Variants in XKR4 observed in about 807,000 individuals in gnomAD.
The protein encoded by XKR4 is XK related 4.
Under a neutral mutation model 53.9 loss-of-function variants are expected in XKR4, and 12 were observed. That is an observed-to-expected ratio of 0.22 (90% CI 0.14 to 0.36). XKR4 has a LOEUF of 0.36. Ranked by LOEUF, XKR4 falls within the 10% of genes least tolerant of loss-of-function variation. XKR4 has a pLI of 1.00. For missense variants in XKR4, 799 were observed against 859.5 expected (o/e 0.93, Z 0.88); for synonymous variants, 354 against 362.4 (o/e 0.98, Z 0.26).
At chr8:55,341,093 A>T (rs1325217291) in intron 1 of XKR4, among the ~76,000 whole-genome samples, 1 of 152,114 alleles carries the variant, frequency 6.6e-6, no homozygotes, top group African/African-American at 2.4e-5. Context: ...GCTGCGGGGA[A>T]CCTGTGATAC....
intron 1 of XKR4, among the ~76,000 whole-genome samples, chr8:55,274,436 CTT>C (rs1278974349): frequency 8.4e-5 from 12 of 143,278 alleles, no homozygotes; most frequent in Admixed American, 7.0e-5. Context: ...CCAAATTTCC[CTT>C]TTTTTTTTTT....
At chr8:55,376,952 A>ACT (rs1159390937) in intron 2 of XKR4, among the ~76,000 whole-genome samples, 10 of 81,422 alleles carry the variant, frequency 1.2e-4, no homozygotes, top group Non-Finnish European at 1.9e-4. Flanking sequence ...ACAAACACAC[A>ACT]CTCACACACA....
At chr8:55,122,983 C>G (rs1206949027) in intron 1 of XKR4, among the ~76,000 whole-genome samples, 2 of 152,094 alleles carry the variant, frequency 1.3e-5, no homozygotes, top group Non-Finnish European at 2.9e-5. Context: ...CTCTCTGAAC[C>G]CACTTGTACC....
At chr8:55,363,915 A>G (rs538487098) in intron 2 of XKR4, among the ~76,000 whole-genome samples, 1 of 152,332 alleles carries the variant, frequency 6.6e-6, no homozygotes, top group South Asian at 2.1e-4. Flanking sequence ...CAACATTTGT[A>G]CTAAAGAAGT....
intron 1 of XKR4, among the ~76,000 whole-genome samples, chr8:55,263,016 C>T (rs1818549623): frequency 1.3e-5 from 2 of 152,300 alleles, no homozygotes; most frequent in Non-Finnish European, 1.5e-5. Flanking sequence ...CAGCATTGGC[C>T]TCTGAGTCCT....
At chr8:55,186,426 A>C (rs138593165) in intron 1 of XKR4, among the ~76,000 whole-genome samples, 44 of 152,162 alleles carry the variant, frequency 2.9e-4, no homozygotes, top group African/African-American at 8.4e-4. Flanking sequence ...GAGGCCAAGG[A>C]GGGCGGATCA....
Position 55,102,950 on chromosome 8 carries a change from C to T in XKR4, c.462C>T (p.Leu154=), listed in dbSNP as rs1816073073. The change falls in exon 1 of 3, where the codon CTC becomes CTT. Residue 154 remains leucine (L), a synonymous_variant. Coordinates refer to ENST00000327381, the MANE Select transcript of XKR4 (RefSeq NM_052898.2). The surrounding 1 kb of genome is among the most constrained non-coding windows in gnomAD (Gnocchi z 5.1). ...WFGLTLFFVV[L]GSLSVQVFSF... The stretch of plus-strand genomic sequence containing the variant: ...GGCTCACGCTCTTCTTCGTGGTGCT[C>T]GGCTCTCTGTCGGTGCAAGTGTTCA... 2 of 1,611,366 alleles carry T rather than the reference C, an allele frequency of 1.2e-6. No individual in the cohort carries two copies. The highest frequency in any genetic ancestry group is 1.7e-6 in the Non-Finnish European group (2 of 1,179,844).
At chr8:55,261,055 T>TTTC (rs1300183253) in intron 1 of XKR4, among the ~76,000 whole-genome samples, 1 of 152,196 alleles carries the variant, frequency 6.6e-6, no homozygotes, top group East Asian at 1.9e-4. Flanking sequence ...GTCTAAATAA[T>TTTC]TTCTTCTTAA....
intron 1 of XKR4, among the ~76,000 whole-genome samples, chr8:55,210,666 A>C (rs1489793052): frequency 6.6e-6 from 1 of 152,240 alleles, no homozygotes; most frequent in East Asian, 1.9e-4. Flanking sequence ...TCATGGCCAC[A>C]GAGATCAAGG....
chr8:55,261,484 T>TTAGG (rs1444252677), intron 1 of XKR4, among the ~76,000 whole-genome samples: 1 of 152,226 alleles, frequency 6.6e-6, no homozygotes, highest in African/African-American at 2.4e-5. Flanking sequence ...CCAACAAGGT[T>TTAGG]TAGGTCAAAG....
chr8:55,214,055 T>G (rs937520650), intron 1 of XKR4, among the ~76,000 whole-genome samples: 4 of 151,918 alleles, frequency 2.6e-5, no homozygotes, highest in Admixed American at 6.6e-5. Flanking sequence ...AGAGACAGGG[T>G]TTCACCATGT....
intron 1 of XKR4, among the ~76,000 whole-genome samples, chr8:55,283,531 G>C (rs1482485517): frequency 6.6e-6 from 1 of 152,194 alleles, no homozygotes; most frequent in Admixed American, 6.5e-5. Flanking sequence ...AATGTCAGCA[G>C]TGACTTTGAT....
In XKR4 at chr8:55,200,075, T is replaced by G. The variant is rs545561452; in HGVS notation, c.806+96781T>G. ...ATGTGGGTAAATCTGTATCCTTTTT[T>G]CTTTTTTGAGACGGAGTCTGGTTCT... is the stretch of plus-strand genomic sequence containing the variant. On this transcript the variant is annotated intron_variant, in intron 1 of 2. Transcript: ENST00000327381. Among the ~76,000 whole-genome samples, 3 of 152,308 alleles carry G rather than the reference T, an allele frequency of 2.0e-5. No homozygotes were observed. In the South Asian group the frequency reaches 6.2e-4, roughly 32 times the overall value.
chr8:55,180,672 C>T (rs1258121874), intron 1 of XKR4, among the ~76,000 whole-genome samples: 4 of 152,110 alleles, frequency 2.6e-5, no homozygotes, highest in African/African-American at 9.7e-5. Flanking sequence ...GCTGGGATTA[C>T]AGGCACCCGC....
intron 1 of XKR4, among the ~76,000 whole-genome samples, chr8:55,312,829 T>C (rs1819407370): frequency 6.6e-6 from 1 of 152,168 alleles, no homozygotes; most frequent in South Asian, 2.1e-4. Flanking sequence ...TCTAAGACCC[T>C]TTCTATCATC....
At chr8:55,452,270 A>G in intron 2 of XKR4, 1 of 644,474 alleles carries the variant, frequency 1.6e-6, no homozygotes. Context: ...GCTGATCCAA[A>G]GGGGTCTGGA....
rs1164729885 is a variant in XKR4 at position 55,146,525 on chromosome 8, C to T, written c.806+43231C>T. ...GCTGTCTGACATGTGTCTATTTGCACACTTGAAATGTGGCAACGTGGCAAT... is the reference window on the plus strand; with the variant it reads ...GCTGTCTGACATGTGTCTATTTGCATACTTGAAATGTGGCAACGTGGCAAT... On this transcript the variant is annotated intron_variant, in intron 1 of 2. Coordinates refer to ENST00000327381, the MANE Select transcript of XKR4 (RefSeq NM_052898.2). Among the ~76,000 whole-genome samples, 3 of 152,164 alleles carry T rather than the reference C, an allele frequency of 2.0e-5. No homozygotes were observed. In the East Asian group the frequency reaches 5.8e-4, roughly 29 times the overall value.
chr8:55,332,092 C>T (rs1803391045), intron 1 of XKR4, among the ~76,000 whole-genome samples: 1 of 151,912 alleles, frequency 6.6e-6, no homozygotes, highest in Admixed American at 6.6e-5. Flanking sequence ...TTCTCGTTTC[C>T]TTTTGTGTAT....
chr8:55,105,719 G>A (rs1397214653), intron 1 of XKR4, among the ~76,000 whole-genome samples: 1 of 152,144 alleles, frequency 6.6e-6, no homozygotes, highest in Non-Finnish European at 1.5e-5. Context: ...GTGAAAGCGT[G>A]ATCTAAGACT....
Sources: allele counts gnomAD v4.1 joint callset (sites outside exome capture counted in the v4.1 genomes callset), GRCh38; gene constraint gnomAD v4.1.1; non-coding constraint Gnocchi (gnomAD v3.1); transcripts MANE v1.5; gene names NCBI Gene and HGNC (gene_info 2026-07-23, HGNC 2026-07-21).